DLG2: variants seen among roughly 807,000 people sequenced by gnomAD.
The protein encoded by DLG2 is discs large MAGUK scaffold protein 2.
In DLG2, 45 loss-of-function variants were observed where a neutral mutation model predicts 132.5. The observed-to-expected ratio is 0.34, with a 90% CI of 0.27 to 0.44. The LOEUF (loss-of-function observed/expected upper bound fraction) is 0.44, where lower values mean the gene tolerates loss of function less well. Ranked by LOEUF, DLG2 falls within the 20% of genes least tolerant of loss-of-function variation. The probability of loss-of-function intolerance (pLI) is 1.00; values close to 1 mark genes in which losing one functional copy is unlikely to be tolerated. For synonymous variants in DLG2, 424 were observed against 419.6 expected, an observed-to-expected ratio of 1.01 and a Z score of -0.13; for missense variants, 1,045 against 1,196.9, an observed-to-expected ratio of 0.87 and a Z score of 1.87.
intron 7 of DLG2, among the ~76,000 whole-genome samples, chr11:84,313,184 T>G (rs563355887): frequency 6.6e-6 from 1 of 151,338 alleles, no homozygotes. Flanking sequence ...GTCACCACTT[T>G]GACTCACTGC....
intron 3 of DLG2, among the ~76,000 whole-genome samples, chr11:85,392,538 T>A (rs958767224): frequency 6.6e-6 from 1 of 150,860 alleles, no homozygotes; most frequent in East Asian, 1.9e-4. Flanking sequence ...AAAGAACAAA[T>A]CTGGAGGCAT....
intron 8 of DLG2, among the ~76,000 whole-genome samples, chr11:84,229,669 C>T (rs916167135): frequency 6.6e-6 from 1 of 152,200 alleles, no homozygotes; most frequent in Non-Finnish European, 1.5e-5. Flanking sequence ...ACCCCTCTCT[C>T]AAGTAGTAAG....
chr11:84,733,826 G>A (rs1367334750), intron 6 of DLG2, among the ~76,000 whole-genome samples: 2 of 152,180 alleles, frequency 1.3e-5, no homozygotes. Flanking sequence ...AAGGTGTAAG[G>A]AAGGGATCCA....
At chr11:85,516,618 A>G (rs1043080379) in intron 3 of DLG2, among the ~76,000 whole-genome samples, 2 of 152,144 alleles carry the variant, frequency 1.3e-5, no homozygotes, top group African/African-American at 4.8e-5. Flanking sequence ...CAGAAATACA[A>G]TTGATAATCA....
chr11:85,266,978 A>G (rs1385815778), intron 4 of DLG2, among the ~76,000 whole-genome samples: 1 of 152,218 alleles, frequency 6.6e-6, no homozygotes, highest in Non-Finnish European at 1.5e-5. Flanking sequence ...TACATAATTC[A>G]AACTCAGTGG....
At chr11:85,451,190 T>G (rs544171835) in intron 3 of DLG2, among the ~76,000 whole-genome samples, 1 of 152,338 alleles carries the variant, frequency 6.6e-6, no homozygotes, top group Admixed American at 6.5e-5. Flanking sequence ...AAAAGTCTAA[T>G]GGCTAGCCTT....
chr11:85,014,583 A>G (rs1248195162), intron 6 of DLG2, among the ~76,000 whole-genome samples: 1 of 152,122 alleles, frequency 6.6e-6, no homozygotes, highest in Non-Finnish European at 1.5e-5. Flanking sequence ...TGCCCATGGT[A>G]AGGTAGCTAT....
chr11:85,380,552 C>T (rs921633700), intron 3 of DLG2, among the ~76,000 whole-genome samples: 4 of 152,072 alleles, frequency 2.6e-5, no homozygotes, highest in Non-Finnish European at 5.9e-5. Flanking sequence ...CCCAACTACT[C>T]GGGAGGCTGA....
intron 18 of DLG2, among the ~76,000 whole-genome samples, chr11:83,717,597 T>C (rs1229609942): frequency 3.9e-5 from 6 of 152,216 alleles, no homozygotes; most frequent in Admixed American, 3.9e-4. Context: ...TAATTGACTA[T>C]AGCTGTCACG....
At chr11:84,577,418 A>C (rs2099503779) in intron 6 of DLG2, among the ~76,000 whole-genome samples, 1 of 152,214 alleles carries the variant, frequency 6.6e-6, no homozygotes, top group Non-Finnish European at 1.5e-5. Context: ...GGCTTTGCCC[A>C]AAATGCTGAT....
chr11:84,408,352 TA>T (rs990790969), intron 7 of DLG2, among the ~76,000 whole-genome samples: 3 of 151,478 alleles, frequency 2.0e-5, no homozygotes, highest in African/African-American at 7.3e-5. Context: ...TATATATATA[TA>T]TATTATTATA....
intron 6 of DLG2, among the ~76,000 whole-genome samples, chr11:85,106,925 C>G (rs2071848942): frequency 6.6e-6 from 1 of 151,942 alleles, no homozygotes; most frequent in Admixed American, 6.6e-5. Context: ...TTTCTATAGA[C>G]CATTATTAAA....
At chr11:83,480,326 G>A in intron 22 of DLG2, 2 of 1,453,554 alleles carry the variant, frequency 1.4e-6, no homozygotes, top group Non-Finnish European at 1.9e-6. Flanking sequence ...CACAGGCAAT[G>A]GGGCAATTGC....
intron 8 of DLG2, among the ~76,000 whole-genome samples, chr11:84,181,791 T>C (rs1026808863): frequency 1.3e-5 from 2 of 152,182 alleles, no homozygotes; most frequent in African/African-American, 2.4e-5. Context: ...AATAGAGGCA[T>C]TACATAATAA....
At chr11:83,495,892 A>G (rs937338221) in intron 21 of DLG2, among the ~76,000 whole-genome samples, 1 of 152,200 alleles carries the variant, frequency 6.6e-6, no homozygotes, top group African/African-American at 2.4e-5. Context: ...AGAAGAAAAC[A>G]TACAATATAC....
chr11:85,479,059 A>C (rs183528975), intron 3 of DLG2, among the ~76,000 whole-genome samples: 119 of 152,368 alleles, frequency 7.8e-4, no homozygotes, highest in African/African-American at 2.7e-3. Context: ...TTTCTGCATC[A>C]AAAACCATCA....
At chr11:85,278,430 G>A (rs775954570) in intron 4 of DLG2, among the ~76,000 whole-genome samples, 4 of 152,052 alleles carry the variant, frequency 2.6e-5, no homozygotes, top group Non-Finnish European at 5.9e-5. Flanking sequence ...GGTGAAACCC[G>A]TCTGTACTAA....
intron 7 of DLG2, among the ~76,000 whole-genome samples, chr11:84,389,981 G>T (rs1327613856): frequency 6.6e-6 from 1 of 152,032 alleles, no homozygotes; most frequent in East Asian, 1.9e-4. Flanking sequence ...GTATCATTTA[G>T]GTATATATGT....
intron 6 of DLG2, among the ~76,000 whole-genome samples, chr11:84,989,947 T>C (rs1362502238): frequency 6.6e-6 from 1 of 152,164 alleles, no homozygotes; most frequent in Non-Finnish European, 1.5e-5. Flanking sequence ...AAACCTAGCA[T>C]TAGGCAAAAA....
Sources: gnomAD v4.1 joint callset for allele counts (sites outside exome capture counted in the v4.1 genomes callset) on GRCh38, gnomAD v4.1.1 for gene constraint, MANE v1.5 for transcripts, NCBI Gene and HGNC (gene_info 2026-07-23, HGNC 2026-07-21) for gene names.